The following LINGO2 variants were observed in gnomAD, a reference collection of about 807,000 sequenced individuals.
LINGO2 encodes the protein leucine-rich repeat and immunoglobulin-like domain-containing nogo receptor-interacting protein 2.
In LINGO2, 14 loss-of-function variants were observed where a neutral mutation model predicts 30.6. The observed-to-expected ratio is 0.46, with a 90% CI of 0.30 to 0.72. LINGO2 has a LOEUF of 0.72. Ranked by LOEUF, LINGO2 falls within the 30% of genes least tolerant of loss-of-function variation. The probability of loss-of-function intolerance (pLI) is 0.07; values close to 1 mark genes in which losing one functional copy is unlikely to be tolerated. For missense variants in LINGO2, 729 were observed against 751.7 expected, an observed-to-expected ratio of 0.97 and a Z score of 0.35; for synonymous variants, 317 against 288.5, an observed-to-expected ratio of 1.10 and a Z score of -1.00.
intron 5 of LINGO2, among the ~76,000 whole-genome samples, chr9:27,971,182 CT>C (rs1366641538): frequency 1.3e-5 from 2 of 151,900 alleles, no homozygotes; most frequent in African/African-American, 4.8e-5. Flanking sequence ...CACAATCTAT[CT>C]TTTTTCCCTC....
chr9:28,050,935 T>TA (rs985433970), intron 4 of LINGO2, among the ~76,000 whole-genome samples: 1 of 151,030 alleles, frequency 6.6e-6, no homozygotes, highest in African/African-American at 2.4e-5. Context: ...AAACACACTG[T>TA]AGTACATGTT....
At chr9:28,127,004 A>G (rs988045894) in intron 4 of LINGO2, among the ~76,000 whole-genome samples, 5 of 152,236 alleles carry the variant, frequency 3.3e-5, no homozygotes, top group Non-Finnish European at 7.3e-5. Context: ...TTATATGAGT[A>G]CACACAATCT....
the LINGO2 span, among the ~76,000 whole-genome samples, chr9:28,767,057 TAGTA>T: frequency 6.6e-6 from 1 of 151,102 alleles, no homozygotes; most frequent in Non-Finnish European, 1.5e-5. Flanking sequence ...TAAAAACAGA[TAGTA>T]TGGTGGTTAC....
At chr9:28,865,133 G>T in the LINGO2 span, among the ~76,000 whole-genome samples, 1 of 151,906 alleles carries the variant, frequency 6.6e-6, no homozygotes, top group East Asian at 1.9e-4. Context: ...CATATACCAC[G>T]GCCTATCCAA....
the LINGO2 span, among the ~76,000 whole-genome samples, chr9:29,211,819 G>C: frequency 7.2e-5 from 11 of 152,054 alleles, no homozygotes; most frequent in Admixed American, 7.2e-4. Context: ...GCTCACCTCG[G>C]AGCAGCCTGG....
chr9:27,989,134 C>T (rs1199481795), intron 5 of LINGO2, among the ~76,000 whole-genome samples: 2 of 151,870 alleles, frequency 1.3e-5, no homozygotes, highest in African/African-American at 4.8e-5. Flanking sequence ...GGGAAATTTG[C>T]AATCCTTCTT....
intron 1 of LINGO2, among the ~76,000 whole-genome samples, chr9:28,560,292 A>C (rs776604001): frequency 6.6e-6 from 1 of 152,028 alleles, no homozygotes; most frequent in Non-Finnish European, 1.5e-5. Flanking sequence ...GATTTGGGTA[A>C]AGTAAGTTGC....
intron 3 of LINGO2, among the ~76,000 whole-genome samples, chr9:28,357,045 C>T (rs150538898): frequency 0.01 from 1,540 of 152,058 alleles, 12 homozygotes; most frequent in Admixed American, 0.021. Context: ...ATGAATGTGG[C>T]AATAATGCAT....
chr9:28,331,089 T>A (rs989554007), intron 3 of LINGO2, among the ~76,000 whole-genome samples: 3 of 151,970 alleles, frequency 2.0e-5, no homozygotes, highest in African/African-American at 7.2e-5. Context: ...TCTAATAATT[T>A]CATAATAATT....
At chr9:29,009,271 A>G in the LINGO2 span, among the ~76,000 whole-genome samples, 1 of 152,190 alleles carries the variant, frequency 6.6e-6, no homozygotes, top group Non-Finnish European at 1.5e-5. Context: ...ACATGATTGT[A>G]TATTTAGAGA....
intron 2 of LINGO2, among the ~76,000 whole-genome samples, chr9:28,403,546 G>A (rs912510285): frequency 3.9e-5 from 6 of 152,014 alleles, no homozygotes; most frequent in South Asian, 2.1e-4. Context: ...GTCTTTGCCC[G>A]CAATACCTTT....
chr9:28,959,612 T>TCACACACACACACACACA, the LINGO2 span, among the ~76,000 whole-genome samples: 6 of 132,160 alleles, frequency 4.5e-5, no homozygotes, highest in African/African-American at 1.6e-4. Flanking sequence ...TCTCTCTCCC[T>TCACACACACACACACACA]CACACACACA....
chr9:29,076,365 C>T, the LINGO2 span, among the ~76,000 whole-genome samples: 2 of 151,692 alleles, frequency 1.3e-5, no homozygotes, highest in Non-Finnish European at 2.9e-5. Context: ...CAAGCATTTC[C>T]TTAACTGACT....
chr9:28,211,687 C>G (rs1008836178), intron 4 of LINGO2, among the ~76,000 whole-genome samples: 7 of 151,432 alleles, frequency 4.6e-5, no homozygotes, highest in African/African-American at 1.7e-4. Flanking sequence ...TCAAGACAGA[C>G]CATTCATATT....
At chr9:28,985,089 G>T in the LINGO2 span, among the ~76,000 whole-genome samples, 2 of 152,028 alleles carry the variant, frequency 1.3e-5, no homozygotes, top group African/African-American at 4.8e-5. Flanking sequence ...GACTGTTTTA[G>T]ATTCCACATA....
At chr9:28,992,636 T>TAAAACAGCAAATGTAAAAAA in the LINGO2 span, among the ~76,000 whole-genome samples, 77 of 152,234 alleles carry the variant, frequency 5.1e-4, no homozygotes, top group African/African-American at 1.8e-3. Flanking sequence ...TCAGCAAATG[T>TAAAACAGCAAATGTAAAAAA]AAAAGAACAG....
rs185879377 is a variant in LINGO2, at chr9:28,360,753, T to C, written c.-246+12083A>G. 5.4e-4 allele frequency among the ~76,000 whole-genome samples: 82 copies of C among 152,320 alleles called. 2 individuals are homozygous for C. Among genetic ancestry groups the C allele is most frequent in the Admixed American group, 4.9e-3 (75 of 15,300 alleles). On this transcript the variant is annotated intron_variant, in intron 3 of 5. Coordinates refer to ENST00000379992, the Ensembl canonical transcript of LINGO2. ...TCCTTTTCATATATTCCTGCTTCCCTTACACAGTCTCACCTATAGATGCTG... is the reference window on the plus strand; with the variant it reads ...TCCTTTTCATATATTCCTGCTTCCCCTACACAGTCTCACCTATAGATGCTG...
chr9:28,747,745 A>G, the LINGO2 span, among the ~76,000 whole-genome samples: 7 of 151,218 alleles, frequency 4.6e-5, no homozygotes, highest in African/African-American at 1.7e-4. Context: ...TACTTAACAT[A>G]TAGCAATCCC....
rs548279378 is a variant in LINGO2, at chr9:28,513,670, T to C, written c.-364-37645A>G. On this transcript the variant is annotated intron_variant, in intron 1 of 5. Transcript: ENST00000379992. The stretch of plus-strand genomic sequence containing the variant: ...TTGCCAACATTGTTTTGTAAAAAAT[T>C]CAGATATTGTTCTATAAAATTAACA... Among the ~76,000 whole-genome samples, 5 of 152,306 alleles carry C rather than the reference T, an allele frequency of 3.3e-5. No individual in the cohort carries two copies. In the South Asian group the frequency reaches 1.0e-3, roughly 32 times the overall value.
Sources: gnomAD v4.1 joint callset for allele counts (sites outside exome capture counted in the v4.1 genomes callset) on GRCh38, gnomAD v4.1.1 for gene constraint, MANE v1.5 for transcripts, NCBI Gene and HGNC (gene_info 2026-07-23, HGNC 2026-07-21) for gene names.